The following SPECC1L variants were observed in gnomAD, a reference collection of about 807,000 sequenced individuals.
The protein encoded by SPECC1L is cytospin-A.
A neutral mutation model predicts 116.8 loss-of-function variants in SPECC1L; 40 were observed. That is an observed-to-expected ratio of 0.34 (90% CI 0.27 to 0.45). The LOEUF (loss-of-function observed/expected upper bound fraction) is 0.45. Among genes scored for constraint, SPECC1L ranks in the 20% least tolerant of loss-of-function variants. SPECC1L has a pLI of 1.00. For missense variants in SPECC1L, 1,110 were observed against 1,373.6 expected (o/e 0.81, Z 3.03); for synonymous variants, 504 against 500.6 (o/e 1.01, Z -0.09).
intron 6 of SPECC1L, among the ~76,000 whole-genome samples, chr22:24,327,946 G>A (rs905385194): frequency 6.6e-6 from 1 of 152,164 alleles, no homozygotes; most frequent in African/African-American, 2.4e-5. Context: ...GTAAATCAGG[G>A]TAAAGGATTT....
intron 2 of SPECC1L, among the ~76,000 whole-genome samples, chr22:24,278,622 A>G (rs1039118345): frequency 6.6e-5 from 10 of 152,220 alleles, no homozygotes; most frequent in African/African-American, 1.4e-4. Context: ...TTATTTTCCA[A>G]TGGAGGGGGT....
chr22:24,316,931 A>G (rs8136934), intron 4 of SPECC1L, among the ~76,000 whole-genome samples: 23,120 of 85,962 alleles, frequency 0.27, 5,763 homozygotes, highest in Admixed American at 0.33. Context: ...CCTCCCTCCC[A>G]GACGGGGCGG....
At chr22:24,299,216 A>G (rs1460952546) in intron 2 of SPECC1L, among the ~76,000 whole-genome samples, 3 of 152,188 alleles carry the variant, frequency 2.0e-5, no homozygotes, top group African/African-American at 4.8e-5. Context: ...TTTGGAATAT[A>G]TATGTAATAA....
intron 13 of SPECC1L, 144 bp from the exon 14 acceptor site, chr22:24,369,074 A>G: frequency 1.4e-6 from 1 of 690,234 alleles, no homozygotes; most frequent in Non-Finnish European, 2.6e-6. Flanking sequence ...TAAACTAAAA[A>G]TCAAATGTAT....
At chr22:24,383,324 C>T (rs1009680086) in intron 14 of SPECC1L, among the ~76,000 whole-genome samples, 1 of 152,136 alleles carries the variant, frequency 6.6e-6, no homozygotes, top group Non-Finnish European at 1.5e-5. Context: ...TACCTGTAAT[C>T]CTAGCACTTT....
chr22:24,297,518 A>G (rs2049291069), intron 2 of SPECC1L, among the ~76,000 whole-genome samples: 1 of 152,188 alleles, frequency 6.6e-6, no homozygotes, highest in Non-Finnish European at 1.5e-5. Flanking sequence ...TATATAGTAT[A>G]TTTAACTATA....
intron 11 of SPECC1L, among the ~76,000 whole-genome samples, chr22:24,349,537 C>A (rs1431658952): frequency 6.6e-6 from 1 of 152,164 alleles, no homozygotes; most frequent in African/African-American, 2.4e-5. Context: ...TATACAGTTG[C>A]CTACTTGACA....
At chr22:24,332,669 G>T (rs540858956) in intron 8 of SPECC1L, among the ~76,000 whole-genome samples, 7 of 151,304 alleles carry the variant, frequency 4.6e-5, no homozygotes, top group African/African-American at 1.5e-4. Context: ...TTAAAGAGAT[G>T]ATTTAAAAAT....
intron 14 of SPECC1L, among the ~76,000 whole-genome samples, chr22:24,387,550 G>T (rs5760388): frequency 1.3e-5 from 2 of 152,008 alleles, no homozygotes; most frequent in African/African-American, 4.8e-5. Context: ...AATTTTTTTG[G>T]TATTTTCAGG....
chr22:24,334,550 A>G lies in SPECC1L; in HGVS notation c.2537A>G (p.Lys846Arg), dbSNP rs751591713. Reference protein sequence around the residue: ...EPTPTVKTLIKSFDSASQVPN... With the variant: ...EPTPTVKTLIRSFDSASQVPN... ...ACTCCTACAGTAAAAACCCTCATCA[A>G]GTCCTTTGACAGTGCATCTCAAGGT... is the stretch of plus-strand genomic sequence containing the variant. Residue 846 changes from lysine to arginine, a missense_variant, in exon 9 of 17, where the codon AAG (lysine) becomes AGG (arginine). Physicochemically the swap from Lys to Arg is conservative, Grantham distance 26. Around this residue, in one of 4 missense-constraint regions of SPECC1L, gnomAD observed 575 missense variants for 682.4 expected, o/e 0.84. Transcript: ENST00000314328. The G allele has an allele frequency of 3.1e-6, 5 of 1,614,074 alleles. No individual in the cohort carries two copies. Among genetic ancestry groups the G allele is most frequent in the Admixed American group, 1.7e-5 (1 of 60,004 alleles).
intron 10 of SPECC1L, 85 bp downstream of exon 10, chr22:24,338,562 T>G (rs1601577384): frequency 8.3e-7 from 1 of 1,206,108 alleles, no homozygotes; most frequent in East Asian, 2.4e-5. Flanking sequence ...TACACCTGTA[T>G]TAGTTGGGTA....
intron 11 of SPECC1L, among the ~76,000 whole-genome samples, chr22:24,355,466 C>T (rs573776310): frequency 1.3e-5 from 2 of 151,798 alleles, no homozygotes; most frequent in Admixed American, 6.6e-5. Context: ...CACCCACCCA[C>T]CTACCTACCT....
rs987766686 is a variant in SPECC1L at position 24,417,146 on chromosome 22, C to T, written c.*2523C>T. The stretch of plus-strand genomic sequence containing the variant: ...AGCACAAGCTTTACTGCAAAAGGGC[C>T]AGTCGCGTTTCTATTTCTCTCGATC... On this transcript the variant is annotated 3_prime_UTR_variant, in exon 17 of 17. Coordinates refer to ENST00000314328, the MANE Select transcript of SPECC1L (RefSeq NM_015330.6). 2.0e-5 allele frequency: 3 copies of T among 152,586 alleles called. No homozygotes were observed. The highest frequency in any genetic ancestry group is 7.2e-5 in the African/African-American group (3 of 41,462). The allele number at this position is 152,586 out of a possible 1,614,324, so 9.5% of individuals were successfully genotyped here.
chr22:24,323,272 G>C (rs2040756513), intron 5 of SPECC1L, among the ~76,000 whole-genome samples: 1 of 152,202 alleles, frequency 6.6e-6, no homozygotes, highest in South Asian at 2.1e-4. Flanking sequence ...TGGTGTAATA[G>C]GTGGAGAGTC....
chr22:24,341,874 G>A (rs1187728831), intron 10 of SPECC1L, among the ~76,000 whole-genome samples: 1 of 152,202 alleles, frequency 6.6e-6, no homozygotes, highest in Admixed American at 6.5e-5. Context: ...GGAAGTGTGG[G>A]AACAGATCTT....
intron 14 of SPECC1L, among the ~76,000 whole-genome samples, chr22:24,376,539 C>G (rs886982750): frequency 1.3e-5 from 2 of 152,092 alleles, no homozygotes; most frequent in African/African-American, 4.8e-5. Flanking sequence ...CTGAAAAATA[C>G]AAAACATTGC....
intron 14 of SPECC1L, among the ~76,000 whole-genome samples, chr22:24,401,331 T>C (rs952534845): frequency 6.6e-6 from 1 of 152,220 alleles, no homozygotes; most frequent in African/African-American, 2.4e-5. Flanking sequence ...TTGTCCGTGG[T>C]GTAAACTGGT....
At chr22:24,411,522 C>A in intron 14 of SPECC1L, 66 bp from the exon 15 acceptor site, 1 of 1,447,630 alleles carries the variant, frequency 6.9e-7, no homozygotes, top group Non-Finnish European at 9.7e-7. Context: ...CTCCTGCGTC[C>A]TCCTTGGCAT....
chr22:24,288,644 T>TTTTTTTTTTTTTTTTTTTTTTTG (rs2049097699), intron 2 of SPECC1L, among the ~76,000 whole-genome samples: 1 of 125,308 alleles, frequency 8.0e-6, no homozygotes, highest in African/African-American at 3.2e-5. Flanking sequence ...TTTTTTTTTT[T>TTTTTTTTTTTTTTTTTTTTTTTG]GGACATATCC....
Sources: gnomAD v4.1 joint callset for allele counts (sites outside exome capture counted in the v4.1 genomes callset) on GRCh38, gnomAD v4.1.1 for gene constraint, gnomAD v4.1.1 regional missense constraint, MANE v1.5 for transcripts, NCBI Gene and HGNC (gene_info 2026-07-23, HGNC 2026-07-21) for gene names.